Variants in NHSL2 observed in about 807,000 individuals in gnomAD.
NHSL2 encodes NHS like 2, also known as NHS-like protein 2.
A neutral mutation model predicts 53.4 loss-of-function variants in NHSL2; 27 were observed. The observed-to-expected ratio is 0.51, with a 90% CI of 0.37 to 0.70. NHSL2 has a LOEUF of 0.70. NHSL2 is among the 30% of genes least tolerant of loss of function. The probability of loss-of-function intolerance (pLI) is 0.00; values close to 1 mark genes in which losing one functional copy is unlikely to be tolerated. For missense variants in NHSL2, 892 were observed against 980.1 expected (o/e 0.91, Z 1.20); for synonymous variants, 408 against 404.1 (o/e 1.01, Z -0.12).
intron 1 of NHSL2, among the ~76,000 whole-genome samples, chrX:72,055,744 A>T (rs1415135467): frequency 3.6e-5 from 4 of 112,189 alleles, no homozygotes; most frequent in African/African-American, 1.3e-4. Flanking sequence ...ACAAAAAGGG[A>T]GGTATGATCA....
intron 1 of NHSL2, among the ~76,000 whole-genome samples, chrX:71,978,120 G>C (rs975504259): frequency 8.9e-6 from 1 of 112,567 alleles, no homozygotes; most frequent in South Asian, 3.6e-4. Flanking sequence ...TTCATCTAAA[G>C]TGCTTAGCGC....
At chrX:72,116,380 C>A (rs1294046384) in intron 1 of NHSL2, among the ~76,000 whole-genome samples, 2 of 112,167 alleles carry the variant, frequency 1.8e-5, no homozygotes, top group African/African-American at 3.2e-5. Flanking sequence ...ATCTTCACTG[C>A]GATTGTACTT....
chrX:71,995,323 G>A (rs2042045284), intron 1 of NHSL2, among the ~76,000 whole-genome samples: 2 of 112,024 alleles, frequency 1.8e-5, no homozygotes, highest in Non-Finnish European at 1.9e-5. Context: ...GTGTGATTCA[G>A]CAAAAACATA....
Position 72,096,976 on chromosome X carries a change from C to G in NHSL2, c.281-35103C>G, listed in dbSNP as rs1218476059. 2.7e-5 allele frequency among the ~76,000 whole-genome samples: 3 copies of G among 112,151 alleles called. No individual in the cohort carries two copies. In the East Asian group the frequency reaches 8.4e-4, roughly 31 times the overall value. On this transcript the variant is annotated intron_variant, in intron 1 of 7. Transcript: ENST00000633930. ...CCTGCAATGGCATAGAACACTAGAA[C>G]TTTTTCCTCCTCCCCAGCTGTAATT...
chrX:71,974,869 C>G (rs1213647890), intron 1 of NHSL2, among the ~76,000 whole-genome samples: 1 of 112,072 alleles, frequency 8.9e-6, no homozygotes, highest in African/African-American at 3.2e-5. Flanking sequence ...GGACAGATAC[C>G]TCCTTTGGAT....
In NHSL2 at chrX:72,144,503, G is replaced by A. The variant is rs1569484941; in HGVS notation, c.*929G>A. 1 of 1,016,799 alleles carries A rather than the reference G, an allele frequency of 9.8e-7. No homozygotes were observed. Among genetic ancestry groups the A allele is most frequent in the Non-Finnish European group, 1.3e-6 (1 of 769,443 alleles). 83.8% of individuals were successfully genotyped at this position (1,016,799 alleles called of 1,213,427 possible). A position where few individuals can be genotyped will look rare whatever the true frequency, so the allele number is the denominator to read the frequency against. The stretch of plus-strand genomic sequence containing the variant: ...TCATTACAGGAAGTAATTAACTGAA[G>A]GAACAGCATCATCAAAGGCTCAAGG... On this transcript the variant is annotated 3_prime_UTR_variant, in exon 8 of 8. Coordinates refer to ENST00000633930, the MANE Select transcript of NHSL2 (RefSeq NM_001013627.3).
At chrX:71,916,410 CT>C (rs2041628150) in intron 1 of NHSL2, among the ~76,000 whole-genome samples, 1 of 112,238 alleles carries the variant, frequency 8.9e-6, no homozygotes, top group Non-Finnish European at 1.9e-5. Flanking sequence ...TTCTGAAGGC[CT>C]CAAATCGTCT....
chrX:72,087,152 A>G (rs1000758074), intron 1 of NHSL2, among the ~76,000 whole-genome samples: 46 of 112,775 alleles, frequency 4.1e-4, no homozygotes, highest in African/African-American at 1.5e-3. Flanking sequence ...TGGGATATCC[A>G]TAAAGTGGAA....
intron 1 of NHSL2, among the ~76,000 whole-genome samples, chrX:72,057,166 C>G (rs931811350): frequency 8.9e-6 from 1 of 112,374 alleles, no homozygotes; most frequent in African/African-American, 3.2e-5. Flanking sequence ...TATTTTCTGC[C>G]TCCCATTCAT....
At chrX:71,958,625 G>A (rs948899753) in intron 1 of NHSL2, among the ~76,000 whole-genome samples, 14 of 111,590 alleles carry the variant, frequency 1.3e-4, no homozygotes, top group Admixed American at 3.8e-4. Context: ...ACATTCCTGG[G>A]TGTGCTATAC....
intron 1 of NHSL2, among the ~76,000 whole-genome samples, chrX:72,097,999 A>C (rs1367704388): frequency 1.8e-5 from 2 of 112,479 alleles, no homozygotes; most frequent in Non-Finnish European, 3.8e-5. Flanking sequence ...GCCCTCTCTT[A>C]ACATGAATGT....
rs1334765468 is a variant in NHSL2, at chrX:72,148,395, A to G, written c.*4821A>G. 2.7e-5 allele frequency: 3 copies of G among 111,236 alleles called. No homozygotes were observed. Among genetic ancestry groups the G allele is most frequent in the Non-Finnish European group, 5.7e-5 (3 of 53,096 alleles). The allele number at this position is 111,236 out of a possible 1,213,427, so 9.2% of individuals were successfully genotyped here. ...TGCTTCATCTCTGTTATGGGCTATC[A>G]GTCCAGCTTGGTGTGAAAATGAGAC... On this transcript the variant is annotated 3_prime_UTR_variant, in exon 8 of 8. Coordinates refer to ENST00000633930, the MANE Select transcript of NHSL2 (RefSeq NM_001013627.3).
At chrX:71,968,400 A>T (rs922404341) in intron 1 of NHSL2, among the ~76,000 whole-genome samples, 2 of 111,483 alleles carry the variant, frequency 1.8e-5, no homozygotes, top group African/African-American at 6.5e-5. Context: ...TTATTTATCC[A>T]TTTACTAGTT....
chrX:72,037,157 C>T (rs773764343), intron 1 of NHSL2, among the ~76,000 whole-genome samples: 4 of 112,383 alleles, frequency 3.6e-5, no homozygotes, highest in African/African-American at 9.7e-5. Context: ...CAGTGGCTCA[C>T]GCCTGTAATC....
chrX:72,129,725 A>G, intron 1 of NHSL2: 1 of 793,857 alleles, frequency 1.3e-6, no homozygotes, highest in Non-Finnish European at 1.8e-6. Flanking sequence ...GCAGGTCTGA[A>G]ACTCCCTGAA....
At chrX:72,078,569 C>T (rs1452233917) in intron 1 of NHSL2, among the ~76,000 whole-genome samples, 1 of 111,862 alleles carries the variant, frequency 8.9e-6, no homozygotes, top group Non-Finnish European at 1.9e-5. Context: ...AGCCAGACTT[C>T]CTGAGAGGTG....
intron 1 of NHSL2, among the ~76,000 whole-genome samples, chrX:72,085,381 T>C (rs368404997): frequency 8.9e-6 from 1 of 112,604 alleles, no homozygotes; most frequent in East Asian, 2.8e-4. Context: ...CCGGTATGCT[T>C]TCAGAAATAG....
intron 1 of NHSL2, among the ~76,000 whole-genome samples, chrX:72,071,798 C>T (rs1174756327): frequency 8.9e-6 from 1 of 111,762 alleles, no homozygotes; most frequent in Non-Finnish European, 1.9e-5. Context: ...ATCCTTCACT[C>T]CTCTCTCTCT....
chrX:72,015,259 C>T (rs930031618), intron 1 of NHSL2, among the ~76,000 whole-genome samples: 2 of 111,601 alleles, frequency 1.8e-5, no homozygotes, highest in Non-Finnish European at 3.8e-5. Context: ...ATAATGCTCA[C>T]GGTTTTTTGT....
Sources: allele counts gnomAD v4.1 joint callset (sites outside exome capture counted in the v4.1 genomes callset), GRCh38; gene constraint gnomAD v4.1.1; transcripts MANE v1.5; gene names NCBI Gene and HGNC (gene_info 2026-07-23, HGNC 2026-07-21).